APBB2: variants seen among roughly 807,000 people sequenced by gnomAD.
APBB2 encodes amyloid beta precursor protein binding family B member 2, also known as Fe65-like 1.
A neutral mutation model predicts 82.5 loss-of-function variants in APBB2; 38 were observed. That is an observed-to-expected ratio of 0.46 (90% confidence interval 0.36 to 0.60). The LOEUF (loss-of-function observed/expected upper bound fraction) is 0.60. APBB2 is among the 20% of genes least tolerant of loss of function. The pLI, the probability that APBB2 is intolerant of heterozygous loss-of-function variation, is 0.00. For missense variants in APBB2, 772 were observed against 972.3 expected, an observed-to-expected ratio of 0.79 and a Z score of 2.74; for synonymous variants, 341 against 368.2, an observed-to-expected ratio of 0.93 and a Z score of 0.85.
At chr4:40,925,539 G>A (rs1249734992) in intron 10 of APBB2, among the ~76,000 whole-genome samples, 1 of 152,146 alleles carries the variant, frequency 6.6e-6, no homozygotes, top group African/African-American at 2.4e-5. Context: ...TTCGCACTTA[G>A]CATTCAATAA....
intron 1 of APBB2, among the ~76,000 whole-genome samples, chr4:41,150,076 C>T (rs1761850648): frequency 6.6e-6 from 1 of 152,198 alleles, no homozygotes; most frequent in African/African-American, 2.4e-5. Context: ...CCCAAGTACT[C>T]TGCATCATTT....
chr4:41,099,175 C>G (rs1451665449), intron 3 of APBB2, among the ~76,000 whole-genome samples: 1 of 152,084 alleles, frequency 6.6e-6, no homozygotes, highest in Non-Finnish European at 1.5e-5. Flanking sequence ...TGTGTATGTG[C>G]AGTGTCTATG....
chr4:41,139,437 C>T (rs2154018609), intron 2 of APBB2, among the ~76,000 whole-genome samples: 1 of 152,252 alleles, frequency 6.6e-6, no homozygotes, highest in Non-Finnish European at 1.5e-5. Flanking sequence ...GAGTAAAAAA[C>T]TTATCCACAT....
chr4:41,087,913 C>T (rs1206728266), intron 3 of APBB2, among the ~76,000 whole-genome samples: 1 of 152,174 alleles, frequency 6.6e-6, no homozygotes, highest in East Asian at 1.9e-4. Flanking sequence ...GGGGGGATAG[C>T]CTTTTCCAGC....
At chr4:41,203,069 T>C (rs193101085) in intron 1 of APBB2, among the ~76,000 whole-genome samples, 97 of 146,880 alleles carry the variant, frequency 6.6e-4, no homozygotes, top group Non-Finnish European at 1.2e-3. Context: ...TTCTCCTCAG[T>C]TTTTTTTTTT....
intron 17 of APBB2, among the ~76,000 whole-genome samples, chr4:40,820,754 C>T (rs1010641247): frequency 6.6e-6 from 1 of 152,152 alleles, no homozygotes; most frequent in Non-Finnish European, 1.5e-5. Context: ...CCCCACACGC[C>T]ATCATCATAA....
At chr4:40,944,754 A>G in intron 7 of APBB2, 111 bp downstream of exon 7, 1 of 1,027,882 alleles carries the variant, frequency 9.7e-7, no homozygotes, top group Non-Finnish European at 1.5e-6. Context: ...AACATGCACA[A>G]TAATCAAAAA....
chr4:41,128,101 G>A (rs1437708117), intron 2 of APBB2, among the ~76,000 whole-genome samples: 1 of 151,864 alleles, frequency 6.6e-6, no homozygotes, highest in African/African-American at 2.4e-5. Context: ...GAAAAAAAGA[G>A]CAAAAGACAT....
chr4:40,817,964 A>C (rs1746382566), intron 17 of APBB2, among the ~76,000 whole-genome samples: 1 of 152,246 alleles, frequency 6.6e-6, no homozygotes, highest in Admixed American at 6.5e-5. Flanking sequence ...AATTTCAAAT[A>C]GTAGTCACGT....
chr4:40,960,312 C>T (rs1379695852), intron 6 of APBB2, among the ~76,000 whole-genome samples: 5 of 151,786 alleles, frequency 3.3e-5, no homozygotes, highest in Admixed American at 1.3e-4. Flanking sequence ...CTATATAAAA[C>T]ATATAAATAT....
At position 41,140,434 on chromosome 4, in the gene APBB2, C is replaced by G. The variant is rs1758786339; in HGVS notation, c.-261+2553G>C. Among the ~76,000 whole-genome samples the G allele has an allele frequency of 1.3e-5, 2 of 152,178 alleles. 1 individual carries two copies. The highest frequency in any genetic ancestry group is 4.1e-4 in the South Asian group (2 of 4,828). On this transcript the variant is annotated intron_variant, in intron 2 of 17. Transcript: ENST00000508593. ...AATGTTCCTAAGACTTAATCCTCTT[C>G]TACCTTGTTAAATAATCGCCCTCCC...
chr4:40,835,123 A>C (rs1753428272), intron 12 of APBB2, among the ~76,000 whole-genome samples: 1 of 152,046 alleles, frequency 6.6e-6, no homozygotes, highest in Non-Finnish European at 1.5e-5. Flanking sequence ...AAAAATACAA[A>C]AACTTAGCCG....
intron 4 of APBB2, among the ~76,000 whole-genome samples, chr4:41,062,227 C>T (rs1028053818): frequency 6.6e-6 from 1 of 152,052 alleles, no homozygotes; most frequent in Non-Finnish European, 1.5e-5. Context: ...GGCTGGAGTG[C>T]AATGCCACAA....
At chr4:41,073,830 T>C (rs1227783232) in intron 3 of APBB2, among the ~76,000 whole-genome samples, 1 of 152,236 alleles carries the variant, frequency 6.6e-6, no homozygotes, top group Non-Finnish European at 1.5e-5. Context: ...GGTTCACACC[T>C]GTAATCTCAG....
chr4:40,890,816 T>G (rs1484546404), intron 11 of APBB2: 11 of 207,960 alleles, frequency 5.3e-5, no homozygotes, highest in African/African-American at 2.6e-4. Flanking sequence ...AATACGTCTT[T>G]TACTAATTCC....
intron 1 of APBB2, among the ~76,000 whole-genome samples, chr4:41,185,421 A>G (rs16852881): frequency 0.019 from 2,909 of 152,288 alleles, 88 homozygotes; most frequent in African/African-American, 0.067. Flanking sequence ...TCTACCATAA[A>G]GAGGGTTTCA....
chr4:41,106,588 TGCCTCA>T (rs1241108615), intron 2 of APBB2, among the ~76,000 whole-genome samples: 1 of 152,154 alleles, frequency 6.6e-6, no homozygotes, highest in African/African-American at 2.4e-5. Flanking sequence ...GGCATTCTCC[TGCCTCA>T]GCCTCCCAAG....
At chr4:41,053,482 A>T (rs1024081968) in intron 4 of APBB2, among the ~76,000 whole-genome samples, 2 of 152,152 alleles carry the variant, frequency 1.3e-5, no homozygotes, top group African/African-American at 4.8e-5. Flanking sequence ...CAGCCCCCAA[A>T]TTTCTTAAAA....
intron 12 of APBB2, among the ~76,000 whole-genome samples, chr4:40,864,266 C>CAAAACAAAAT: frequency 7.1e-6 from 1 of 139,942 alleles, no homozygotes; most frequent in Middle Eastern, 3.4e-3. Flanking sequence ...AAAAACAAAA[C>CAAAACAAAAT]AAAACAAAAC....
Sources: allele counts gnomAD v4.1 joint callset (sites outside exome capture counted in the v4.1 genomes callset), GRCh38; gene constraint gnomAD v4.1.1; transcripts MANE v1.5; gene names NCBI Gene and HGNC (gene_info 2026-07-23, HGNC 2026-07-21).